SERPINI1: variants seen among roughly 807,000 people sequenced by gnomAD.
SERPINI1 encodes neuroserpin.
Under a neutral mutation model 41.1 loss-of-function variants are expected in SERPINI1, and 19 were observed. That is an observed-to-expected ratio of 0.46 (90% CI 0.32 to 0.68). The LOEUF (loss-of-function observed/expected upper bound fraction) is 0.68. Ranked by LOEUF, SERPINI1 falls within the 30% of genes least tolerant of loss-of-function variation. The pLI is 0.03. For missense variants in SERPINI1, 460 were observed against 479.2 expected (o/e 0.96, Z 0.37); for synonymous variants, 138 against 156.6 (o/e 0.88, Z 0.89).
chr3:167,752,930 A>T (rs1308356883), intron 1 of SERPINI1, among the ~76,000 whole-genome samples: 1 of 152,048 alleles, frequency 6.6e-6, no homozygotes, highest in African/African-American at 2.4e-5. Flanking sequence ...CTTAATCTAA[A>T]ATAGGTCCCT....
chr3:167,781,659 T>A (rs1442017129), intron 1 of SERPINI1, among the ~76,000 whole-genome samples: 33 of 132,264 alleles, frequency 2.5e-4, no homozygotes, highest in African/African-American at 8.4e-4. Context: ...TTTTTTTTTT[T>A]ACTGGAGAAA....
Position 167,772,841 on chromosome 3 carries a change from T to A in SERPINI1, c.-18-16270T>A, listed in dbSNP as rs1377158393. 2.8e-3 allele frequency among the ~76,000 whole-genome samples: 61 copies of A among 21,426 alleles called. 1 individual carries two copies. The highest frequency in any genetic ancestry group is 6.5e-3 in the African/African-American group (35 of 5,412). 14.1% of individuals were successfully genotyped at this position (21,426 alleles called of 152,430 possible). ...TCTTGAGACTCTCTCTCTCTCTCTC[T>A]CTCTCTCTCTCTCTCTCTCTCTCTA... On this transcript the variant is annotated intron_variant, in intron 1 of 8. Coordinates refer to ENST00000446050, the MANE Select transcript of SERPINI1 (RefSeq NM_001122752.2).
At chr3:167,819,237 T>G (rs1177891003) in intron 6 of SERPINI1, among the ~76,000 whole-genome samples, 1 of 152,204 alleles carries the variant, frequency 6.6e-6, no homozygotes, top group Non-Finnish European at 1.5e-5. Context: ...TGGTCTTGAG[T>G]TTCTGGGCTC....
intron 7 of SERPINI1, 76 bp downstream of exon 7, chr3:167,823,148 T>C: frequency 9.7e-7 from 1 of 1,028,004 alleles, no homozygotes. Context: ...AGTGGGGTCA[T>C]TTTCAAAATG....
intron 6 of SERPINI1, among the ~76,000 whole-genome samples, chr3:167,820,789 C>T (rs1356403083): frequency 1.3e-5 from 2 of 152,212 alleles, no homozygotes; most frequent in African/African-American, 4.8e-5. Flanking sequence ...AGTGAAACCC[C>T]ACCTTCAGGC....
intron 6 of SERPINI1, among the ~76,000 whole-genome samples, chr3:167,812,510 G>A (rs1170335022): frequency 6.6e-6 from 1 of 152,112 alleles, no homozygotes; most frequent in African/African-American, 2.4e-5. Context: ...AGAAGTAATC[G>A]TTCCTTCTTA....
chr3:167,775,548 T>G (rs1366597683), intron 1 of SERPINI1, among the ~76,000 whole-genome samples: 1 of 152,146 alleles, frequency 6.6e-6, no homozygotes, highest in African/African-American at 2.4e-5. Context: ...CAACTTTATA[T>G]CTGAGTATTT....
intron 1 of SERPINI1, among the ~76,000 whole-genome samples, chr3:167,748,299 A>C (rs1416454953): frequency 1.3e-5 from 2 of 152,216 alleles, no homozygotes; most frequent in South Asian, 2.1e-4. Context: ...ATGAAGCAAT[A>C]AATAGACAAA....
At chr3:167,818,018 GTTGT>G (rs10632766) in intron 6 of SERPINI1, among the ~76,000 whole-genome samples, 63 of 151,544 alleles carry the variant, frequency 4.2e-4, no homozygotes, top group East Asian at 2.7e-3. Context: ...AAATATTTTG[GTTGT>G]TTGTTTGTTT....
intron 6 of SERPINI1, among the ~76,000 whole-genome samples, chr3:167,820,716 T>TGGAGGGCA (rs1233644389): frequency 6.6e-6 from 1 of 152,034 alleles, no homozygotes; most frequent in Non-Finnish European, 1.5e-5. Flanking sequence ...ATGGGTACTG[T>TGGAGGGCA]GGAGGGCAGG....
intron 1 of SERPINI1, among the ~76,000 whole-genome samples, chr3:167,742,280 A>T (rs1250603127): frequency 6.6e-6 from 1 of 152,254 alleles, no homozygotes; most frequent in Non-Finnish European, 1.5e-5. Flanking sequence ...TAACAATTTA[A>T]AAAATAATTG....
In SERPINI1 at chr3:167,770,028, C is replaced by CT. The variant is rs34233842; in HGVS notation, c.-18-19070dup. Among the ~76,000 whole-genome samples the CT allele has an allele frequency of 7.0e-4, 91 of 130,866 alleles. 2 individuals carry two copies. The East Asian group carries it at 9.1e-3, about 13-fold the overall frequency. The allele number at this position is 130,866 out of a possible 152,430, so 85.9% of individuals were successfully genotyped here. ...TTTTATTTTAACATAGGCATGTTTA[C>CT]TTTTTTTTTTTTTAATGATGCCTAG... On this transcript the variant is annotated intron_variant, in intron 1 of 8. Transcript: ENST00000446050.
At chr3:167,812,531 A>G (rs1029714505) in intron 6 of SERPINI1, among the ~76,000 whole-genome samples, 3 of 152,182 alleles carry the variant, frequency 2.0e-5, no homozygotes, top group African/African-American at 7.2e-5. Context: ...AATTCCTGAT[A>G]CCTTGTGCCT....
At chr3:167,770,476 TG>T (rs1726713071) in intron 1 of SERPINI1, among the ~76,000 whole-genome samples, 1 of 152,158 alleles carries the variant, frequency 6.6e-6, no homozygotes, top group African/African-American at 2.4e-5. Context: ...AGCTTTTTAA[TG>T]CATTTTAGTA....
chr3:167,772,864 C>CTCTCTCTCTCTCTATATATATATATA (rs1374013676), intron 1 of SERPINI1, among the ~76,000 whole-genome samples: 1 of 24,644 alleles, frequency 4.1e-5, no homozygotes, highest in Non-Finnish European at 6.5e-5. Context: ...CTCTCTCTCT[C>CTCTCTCTCTCTCTATATATATATATA]TATATATATA....
At position 167,823,061 on chromosome 3, in the gene SERPINI1, C is replaced by T. The variant is rs772860274; in HGVS notation, c.1055C>T (p.Ala352Val). The T allele has an allele frequency of 6.2e-7, 1 of 1,603,782 alleles. No homozygotes were observed. The highest frequency in any genetic ancestry group is 8.5e-7 in the Non-Finnish European group (1 of 1,170,620). ...LEVNEEGSEA[A>V]AVSGMIAISR... Reference sequence around the variant, plus strand: ...GTTAATGAAGAAGGCTCAGAAGCTGCTGCTGTCTCAGGTACTGTTTGCTAG... The same window carrying T: ...GTTAATGAAGAAGGCTCAGAAGCTGTTGCTGTCTCAGGTACTGTTTGCTAG... Residue 352 changes from alanine to valine, a missense_variant, in exon 7 of 9, where the codon GCT (alanine) becomes GTT (valine). Transcript: ENST00000446050.
At position 167,824,511 on chromosome 3, in the gene SERPINI1, C is replaced by A; in HGVS notation, c.1105C>A (p.Gln369Lys). 1 of 1,613,680 alleles carries A rather than the reference C, an allele frequency of 6.2e-7. No homozygotes were observed. Among genetic ancestry groups the A allele is most frequent in the Non-Finnish European group, 8.5e-7 (1 of 1,179,772 alleles). The change falls in exon 8 of 9, where the codon CAA (glutamine) becomes AAA (lysine). Residue 369 changes from glutamine to lysine, a missense_variant. Gln to Lys is a moderately conservative substitution (Grantham distance 53). Transcript: ENST00000446050. ...AISRMAVLYPQVIVDHPFFFL... is the reference protein window; with the variant it reads ...AISRMAVLYPKVIVDHPFFFL... ...TAGTAGGATGGCTGTGCTGTATCCT[C>A]AAGTTATTGTCGACCATCCATTTTT...
At chr3:167,768,694 T>A (rs1361051097) in intron 1 of SERPINI1, among the ~76,000 whole-genome samples, 1 of 152,178 alleles carries the variant, frequency 6.6e-6, no homozygotes, top group Non-Finnish European at 1.5e-5. Flanking sequence ...TTCAGATGGC[T>A]TATGGAATTT....
At chr3:167,818,143 A>G (rs563316009) in intron 6 of SERPINI1, among the ~76,000 whole-genome samples, 2 of 151,994 alleles carry the variant, frequency 1.3e-5, no homozygotes, top group South Asian at 4.2e-4. Context: ...CTCCTGTCTC[A>G]GCCTCCCTAG....
Sources: allele counts gnomAD v4.1 joint callset (sites outside exome capture counted in the v4.1 genomes callset), GRCh38; gene constraint gnomAD v4.1.1; transcripts MANE v1.5; gene names NCBI Gene and HGNC (gene_info 2026-07-23, HGNC 2026-07-21).